PTPRG: variants seen among roughly 807,000 people sequenced by gnomAD.
PTPRG encodes protein tyrosine phosphatase receptor type G, also known as receptor-type tyrosine-protein phosphatase gamma.
Under a neutral mutation model 165.3 loss-of-function variants are expected in PTPRG, and 102 were observed. The ratio of observed to expected loss-of-function variants is 0.62; its 90% CI spans 0.53 to 0.73. The LOEUF (loss-of-function observed/expected upper bound fraction) is 0.73, where lower values mean the gene tolerates loss of function less well. Among genes scored for constraint, PTPRG ranks in the 30% least tolerant of loss-of-function variants. The pLI is 0.00. For synonymous variants in PTPRG, 675 were observed against 669.5 expected (o/e 1.01, Z -0.13); for missense variants, 1,866 against 1,861.4 (o/e 1.00, Z -0.05).
intron 2 of PTPRG, among the ~76,000 whole-genome samples, chr3:61,988,463 C>G (rs1420002414): frequency 1.3e-5 from 2 of 152,120 alleles, no homozygotes; most frequent in Admixed American, 6.6e-5. Context: ...TTATCTACTA[C>G]TAAACTAACA....
intron 2 of PTPRG, among the ~76,000 whole-genome samples, chr3:61,808,347 G>C (rs936589322): frequency 4.6e-5 from 7 of 152,064 alleles, no homozygotes; most frequent in Non-Finnish European, 8.8e-5. Flanking sequence ...CTCAAATCTT[G>C]CAGCTCATCA....
chr3:62,295,156 C>CA lies in PTPRG; in HGVS notation c.*1849_*1850insA, dbSNP rs1703019466. On this transcript the variant is annotated 3_prime_UTR_variant, in exon 30 of 30. Coordinates refer to ENST00000474889, the MANE Select transcript of PTPRG (RefSeq NM_002841.4). ...GAGATAAGATGTTCAAGAGAGCATG[C>CA]TAAGTTGCATGTGCTAGATGAGAGA... 1 of 152,144 alleles carries CA rather than the reference C, an allele frequency of 6.6e-6. No homozygotes were observed. The highest frequency in any genetic ancestry group is 1.9e-4 in the East Asian group (1 of 5,188). 9.4% of individuals were successfully genotyped at this position (152,144 alleles called of 1,614,324 possible). A position where few individuals can be genotyped will look rare whatever the true frequency, so the allele number is the denominator to read the frequency against.
chr3:62,164,857 G>A (rs1481630021), intron 7 of PTPRG, among the ~76,000 whole-genome samples: 1 of 152,170 alleles, frequency 6.6e-6, no homozygotes, highest in Admixed American at 6.5e-5. Context: ...TAAACAAACT[G>A]CAGAGTCGTA....
intron 4 of PTPRG, among the ~76,000 whole-genome samples, chr3:62,019,924 C>T (rs1032908201): frequency 2.6e-5 from 4 of 152,070 alleles, no homozygotes; most frequent in Non-Finnish European, 4.4e-5. Flanking sequence ...ACAAAAACCT[C>T]TATCTCTATT....
rs191089546 is a variant in PTPRG at position 61,645,961 on chromosome 3, T to G, written c.85+83589T>G. On this transcript the variant is annotated intron_variant, in intron 1 of 29. Coordinates refer to ENST00000474889, the MANE Select transcript of PTPRG (RefSeq NM_002841.4). ...TGCCACTAGGGTATTCATTCCTATT[T>G]CCAGACTTCATAATCTAACTTACTA... is the stretch of plus-strand genomic sequence containing the variant. Among the ~76,000 whole-genome samples the G allele has an allele frequency of 2.6e-4, 39 of 152,328 alleles. No individual in the cohort carries two copies. In the East Asian group the frequency reaches 7.3e-3, roughly 29 times the overall value.
At chr3:62,165,568 C>T (rs539617481) in intron 7 of PTPRG, among the ~76,000 whole-genome samples, 2 of 150,640 alleles carry the variant, frequency 1.3e-5, no homozygotes, top group Non-Finnish European at 2.9e-5. Flanking sequence ...CAGATGCTAC[C>T]TAGAGACACT....
chr3:61,937,334 G>A (rs2039505046), intron 2 of PTPRG, among the ~76,000 whole-genome samples: 1 of 152,120 alleles, frequency 6.6e-6, no homozygotes, highest in African/African-American at 2.4e-5. Context: ...CACTGCTGTC[G>A]CAAAGTGTCC....
At chr3:61,980,678 C>T (rs2040618979) in intron 2 of PTPRG, among the ~76,000 whole-genome samples, 1 of 152,124 alleles carries the variant, frequency 6.6e-6, no homozygotes, top group Non-Finnish European at 1.5e-5. Flanking sequence ...TAGCACAAAG[C>T]CTACTCAGAT....
chr3:61,610,690 T>G (rs1230208214), intron 1 of PTPRG, among the ~76,000 whole-genome samples: 1 of 152,058 alleles, frequency 6.6e-6, no homozygotes, highest in African/African-American at 2.4e-5. Context: ...AGGTAGGTAG[T>G]TATTTTCGTT....
At chr3:61,760,682 T>G (rs771525066) in intron 2 of PTPRG, among the ~76,000 whole-genome samples, 2 of 152,154 alleles carry the variant, frequency 1.3e-5, no homozygotes, top group Non-Finnish European at 2.9e-5. Context: ...GCCTGGTGAT[T>G]TGCTGCACCT....
intron 3 of PTPRG, among the ~76,000 whole-genome samples, chr3:62,001,317 A>T (rs1014246947): frequency 1.3e-5 from 2 of 152,248 alleles, no homozygotes; most frequent in Non-Finnish European, 2.9e-5. Context: ...AATTATTCAT[A>T]TAAAACAAGT....
At chr3:61,961,711 A>G (rs1457150426) in intron 2 of PTPRG, among the ~76,000 whole-genome samples, 3 of 152,194 alleles carry the variant, frequency 2.0e-5, no homozygotes, top group Non-Finnish European at 4.4e-5. Flanking sequence ...AACTGAGTGG[A>G]AGCTGCTTTC....
At position 62,233,609 on chromosome 3, in the gene PTPRG, T is replaced by G. The variant is rs1700955961; in HGVS notation, c.2375+2298T>G. Among the ~76,000 whole-genome samples the G allele has an allele frequency of 6.6e-6, 1 of 152,156 alleles. No homozygotes were observed. The highest frequency in any genetic ancestry group is 1.5e-5 in the Non-Finnish European group (1 of 68,030). ...GAATCAAAAGAAGAGCCCCCAGTGA[T>G]AGCTAAATTGCAACCCTCCAAACAG... On this transcript the variant is annotated intron_variant, in intron 14 of 29. Coordinates refer to ENST00000474889, the MANE Select transcript of PTPRG (RefSeq NM_002841.4). This position sits in a 1 kb window ranked among gnomAD's most constrained non-coding sequence, Gnocchi z 4.7.
intron 28 of PTPRG, among the ~76,000 whole-genome samples, chr3:62,286,362 A>C (rs1352792595): frequency 6.6e-6 from 1 of 152,144 alleles, no homozygotes; most frequent in African/African-American, 2.4e-5. Context: ...TACTGATTTC[A>C]AAAGGAAGCT....
intron 6 of PTPRG, among the ~76,000 whole-genome samples, chr3:62,136,762 T>C (rs1703723772): frequency 6.6e-6 from 1 of 152,214 alleles, no homozygotes; most frequent in African/African-American, 2.4e-5. Context: ...TCTGCCGCCA[T>C]GTGAGACATG....
At chr3:62,140,463 A>T (rs1278506843) in intron 6 of PTPRG, among the ~76,000 whole-genome samples, 1 of 152,214 alleles carries the variant, frequency 6.6e-6, no homozygotes, top group South Asian at 2.1e-4. Context: ...ACACAAAAGC[A>T]AAACAGTGGG....
chr3:62,191,699 A>T (rs767581257), intron 9 of PTPRG, 46 bp downstream of exon 9: 4 of 1,542,676 alleles, frequency 2.6e-6, no homozygotes, highest in South Asian at 1.2e-5. Flanking sequence ...GCAGAGAGGG[A>T]CTCCTGCTGC....
intron 7 of PTPRG, among the ~76,000 whole-genome samples, chr3:62,165,311 G>C (rs772711045): frequency 1.3e-5 from 2 of 152,162 alleles, no homozygotes; most frequent in African/African-American, 4.8e-5. Flanking sequence ...ATTTTAAGAA[G>C]TTATTTTCTC....
chr3:61,598,985 A>G (rs1269481862), intron 1 of PTPRG, among the ~76,000 whole-genome samples: 1 of 152,160 alleles, frequency 6.6e-6, no homozygotes, highest in Admixed American at 6.5e-5. Context: ...ATCTTAATTA[A>G]TGATATCTGC....
Sources: allele counts gnomAD v4.1 joint callset (sites outside exome capture counted in the v4.1 genomes callset), GRCh38; gene constraint gnomAD v4.1.1; non-coding constraint Gnocchi (gnomAD v3.1); transcripts MANE v1.5; gene names NCBI Gene and HGNC (gene_info 2026-07-23, HGNC 2026-07-21).